SHC2: variants seen among roughly 807,000 people sequenced by gnomAD.
SHC2 encodes SHC adaptor protein 2.
In SHC2, 62 loss-of-function variants were observed where a neutral mutation model predicts 60.6. The observed-to-expected ratio is 1.02, with a 90% CI of 0.83 to 1.26. The LOEUF is 1.26. Ranked by LOEUF, SHC2 falls within the 50% of genes most tolerant of loss-of-function variation. The pLI, the probability that SHC2 is intolerant of heterozygous loss-of-function variation, is 0.00. For synonymous variants in SHC2, 375 were observed against 372.4 expected, an observed-to-expected ratio of 1.01 and a Z score of -0.08; for missense variants, 873 against 822.2, an observed-to-expected ratio of 1.06 and a Z score of -0.76.
At chr19:421,240 A>T (rs532067010) in intron 11 of SHC2, among the ~76,000 whole-genome samples, 1 of 151,910 alleles carries the variant, frequency 6.6e-6, no homozygotes, top group South Asian at 2.1e-4. Context: ...CCACTAAAAA[A>T]ATATGAAAAA....
At chr19:458,157 C>T (rs138064616) in intron 1 of SHC2, among the ~76,000 whole-genome samples, 31 of 104,430 alleles carry the variant, frequency 3.0e-4, no homozygotes, top group Middle Eastern at 8.3e-3. Flanking sequence ...GAGACGGAAG[C>T]GGGTTCCGGG....
chr19:423,839 C>T (rs1351929636), intron 10 of SHC2, among the ~76,000 whole-genome samples: 1 of 152,212 alleles, frequency 6.6e-6, no homozygotes. Flanking sequence ...GACACCCTTC[C>T]TCAACCGGGG....
In SHC2 at chr19:460,906, G is replaced by C; in HGVS notation, c.91C>G (p.Arg31Gly). Residue 31 changes from arginine to glycine, a missense_variant, in exon 1 of 13, where the codon CGA becomes GGA. Transcript: ENST00000264554. ...APTTFCALLP[R>G]MPQWKFAAPG... ...GCCGCGAACTTCCACTGCGGCATTC[G>C]GGGCAGCAACGCGCAGAAGGTGGTG... 1 of 989,742 alleles carries C rather than the reference G, an allele frequency of 1.0e-6. No individual in the cohort carries two copies. Among genetic ancestry groups the C allele is most frequent in the Non-Finnish European group, 1.2e-6 (1 of 834,118 alleles). 61.3% of individuals were successfully genotyped at this position (989,742 alleles called of 1,614,324 possible).
rs1194267566 is a variant in SHC2, at chr19:445,032, C to T, written c.469-4100G>A. 2.6e-5 allele frequency among the ~76,000 whole-genome samples: 4 copies of T among 152,250 alleles called. No individual in the cohort carries two copies. Among genetic ancestry groups the T allele is most frequent in the Non-Finnish European group, 5.9e-5 (4 of 68,040 alleles). On this transcript the variant is annotated intron_variant, in intron 1 of 12. Transcript: ENST00000264554. The surrounding 1 kb of genome is among the most constrained non-coding windows in gnomAD (Gnocchi z 4.4). ...GCTCCCCCTGCACGACGGGAAGAGG[C>T]GGGGACCTCAGCTCACTGCATGTCC...
chr19:448,096 G>A (rs1975091588), intron 1 of SHC2, among the ~76,000 whole-genome samples: 1 of 152,222 alleles, frequency 6.6e-6, no homozygotes, highest in African/African-American at 2.4e-5. Context: ...GGCTCCCGGG[G>A]CGTGCACTGC....
At chr19:434,978 C>A (rs948785077) in intron 7 of SHC2, 113 bp from the exon 8 acceptor site, 8 of 1,133,568 alleles carry the variant, frequency 7.1e-6, no homozygotes, top group East Asian at 2.6e-5. Flanking sequence ...CCCAGCCCCC[C>A]ACCTGTCACT....
intron 4 of SHC2, among the ~76,000 whole-genome samples, chr19:437,806 G>A (rs138180454): frequency 4.5e-4 from 68 of 151,992 alleles, no homozygotes; most frequent in African/African-American, 1.5e-3. Context: ...TAACTTCTCC[G>A]ACAAGGCGAT....
intron 11 of SHC2, among the ~76,000 whole-genome samples, chr19:421,623 T>C (rs1568280312): frequency 6.6e-6 from 1 of 151,358 alleles, no homozygotes; most frequent in African/African-American, 2.4e-5. Flanking sequence ...TCATGATAAA[T>C]GGGGGGGGAG....
At chr19:417,729 C>G (rs147070237) in intron 12 of SHC2, among the ~76,000 whole-genome samples, 2 of 152,146 alleles carry the variant, frequency 1.3e-5, no homozygotes, top group South Asian at 4.1e-4. Flanking sequence ...CACAGGAGCC[C>G]GTGTGCCACA....
rs1001612046 is a variant in SHC2 at position 446,148 on chromosome 19, G to A, written c.469-5216C>T. On this transcript the variant is annotated intron_variant, in intron 1 of 12. Coordinates refer to ENST00000264554, the MANE Select transcript of SHC2 (RefSeq NM_012435.3). The surrounding 1 kb of genome is among the most constrained non-coding windows in gnomAD (Gnocchi z 5.4). ...GTGTGCAGCCGAGGACACCAAGGCCGGCCCCCAGGCACCAGACACGGGAGA... is the reference window on the plus strand; with the variant it reads ...GTGTGCAGCCGAGGACACCAAGGCCAGCCCCCAGGCACCAGACACGGGAGA... 1.2e-4 allele frequency among the ~76,000 whole-genome samples: 18 copies of A among 151,980 alleles called. No homozygotes were observed. Among genetic ancestry groups the A allele is most frequent in the Admixed American group, 2.6e-4 (4 of 15,266 alleles).
At chr19:458,120 C>T (rs1600333003) in intron 1 of SHC2, among the ~76,000 whole-genome samples, 1 of 122,338 alleles carries the variant, frequency 8.2e-6, no homozygotes, top group South Asian at 2.7e-4. Flanking sequence ...AGAAGCGGGT[C>T]TTGGGGAGGC....
In SHC2 at chr19:427,032, C is replaced by A. The variant is rs545837734; in HGVS notation, c.1175-1801G>T. Among the ~76,000 whole-genome samples, 4 of 152,292 alleles carry A rather than the reference C, an allele frequency of 2.6e-5. No individual in the cohort carries two copies. In the East Asian group the frequency reaches 7.7e-4, roughly 29 times the overall value. The stretch of plus-strand genomic sequence containing the variant: ...CACAGGGGCAGGGAACGCTGGCGAG[C>A]CCCCGGTCCGGGGTGAGCAGCCAGC... On this transcript the variant is annotated intron_variant, in intron 9 of 12. Coordinates refer to ENST00000264554, the MANE Select transcript of SHC2 (RefSeq NM_012435.3).
chr19:436,058 G>A (rs1974707963), intron 7 of SHC2, 107 bp downstream of exon 7: 1 of 1,255,720 alleles, frequency 8.0e-7, no homozygotes, highest in Middle Eastern at 2.3e-4. Flanking sequence ...GGGAGGGAGG[G>A]ACAAGGGCAG....
intron 9 of SHC2, among the ~76,000 whole-genome samples, chr19:426,168 C>G (rs1026074206): frequency 6.6e-6 from 1 of 152,220 alleles, no homozygotes; most frequent in Admixed American, 6.5e-5. Context: ...TGCCTTGGAA[C>G]AGGGTCTGGC....
rs200985436 is a variant in SHC2 at position 434,561 on chromosome 19, A to C, written c.1110+148T>G. ...GATTGTGAGTCTGTGAGTAAGTGAA[A>C]TCATGAGTGAGTGAGTGAGTGAGTC... On this transcript the variant is annotated intron_variant, in intron 8 of 12. Coordinates refer to ENST00000264554, the MANE Select transcript of SHC2 (RefSeq NM_012435.3). 1.6e-3 allele frequency: 2 copies of C among 1,232 alleles called. 1 individual carries two copies. 0.1% of individuals were successfully genotyped at this position (1,232 alleles called of 1,614,324 possible).
At chr19:454,276 C>G (rs546242083) in intron 1 of SHC2, among the ~76,000 whole-genome samples, 1 of 152,128 alleles carries the variant, frequency 6.6e-6, no homozygotes, top group East Asian at 1.9e-4. Flanking sequence ...TGGGCAGTGC[C>G]GGGCTGGGCT....
At chr19:434,228 GTGAGTGAGATCC>G (rs1390765510) in intron 8 of SHC2, among the ~76,000 whole-genome samples, 4 of 142,886 alleles carry the variant, frequency 2.8e-5, no homozygotes, top group Admixed American at 1.4e-4. Flanking sequence ...GATTGAGTGA[GTGAGTGAGATCC>G]TGAGTGAGAT....
At chr19:454,394 T>C (rs999249669) in intron 1 of SHC2, among the ~76,000 whole-genome samples, 2 of 152,114 alleles carry the variant, frequency 1.3e-5, no homozygotes, top group African/African-American at 2.4e-5. Flanking sequence ...CCAGAGCCAC[T>C]GCCTTTCAGC....
intron 7 of SHC2, chr19:435,682 G>A (rs531568989): frequency 6.3e-6 from 1 of 159,442 alleles, no homozygotes; most frequent in Non-Finnish European, 1.4e-5. Context: ...AGCTAAGAAT[G>A]GGCTTTCAAT....
Sources: gnomAD v4.1 joint callset for allele counts (sites outside exome capture counted in the v4.1 genomes callset) on GRCh38, gnomAD v4.1.1 for gene constraint, Gnocchi (gnomAD v3.1) non-coding constraint, MANE v1.5 for transcripts, NCBI Gene and HGNC (gene_info 2026-07-23, HGNC 2026-07-21) for gene names.